MLN: variants seen among roughly 807,000 people sequenced by gnomAD.
MLN encodes motilin, also known as promotilin.
Under a neutral mutation model 13.3 loss-of-function variants are expected in MLN, and 14 were observed. The ratio of observed to expected loss-of-function variants is 1.05; its 90% CI spans 0.69 to 1.64. The LOEUF (loss-of-function observed/expected upper bound fraction) is 1.64, where lower values mean the gene tolerates loss of function less well. Ranked by LOEUF, MLN falls within the 40% of genes most tolerant of loss-of-function variation. MLN has a pLI of 0.00. For missense variants in MLN, 122 were observed against 142.9 expected (o/e 0.85, Z 0.75); for synonymous variants, 59 against 54.7 (o/e 1.08, Z -0.34).
At chr6:33,798,399 G>A (rs1279643365) in intron 3 of MLN, among the ~76,000 whole-genome samples, 1 of 152,232 alleles carries the variant, frequency 6.6e-6, no homozygotes, top group Non-Finnish European at 1.5e-5. Flanking sequence ...AAATAAAAGA[G>A]CTCATGGGAC....
In MLN at chr6:33,794,719, G is replaced by A. The variant is rs1582271078; in HGVS notation, c.*106C>T. The A allele has an allele frequency of 7.6e-7, 1 of 1,319,672 alleles. No homozygotes were observed. Among genetic ancestry groups the A allele is most frequent in the Non-Finnish European group, 1.0e-6 (1 of 953,198 alleles). The allele number at this position is 1,319,672 out of a possible 1,614,324, so 81.7% of individuals were successfully genotyped here. On this transcript the variant is annotated 3_prime_UTR_variant, in exon 5 of 5. Transcript: ENST00000430124. ...GCTGGAGGGGAATTTGCTTTGGAAA[G>A]GGTGTTTTCCTTCCAAGCCCAGCTG...
At position 33,799,615 on chromosome 6, in the gene MLN, G is replaced by A. The variant is rs1488686839; in HGVS notation, c.118-394C>T. ...AAAGGTAGTGAGACAGCCTAGCCTG[G>A]GAGGGTGCCATGGGGTGGCCCGGGA... On this transcript the variant is annotated intron_variant, in intron 2 of 4. Transcript: ENST00000430124. This position sits in a 1 kb window ranked among gnomAD's most constrained non-coding sequence, Gnocchi z 4.6. Among the ~76,000 whole-genome samples the A allele has an allele frequency of 6.6e-6, 1 of 152,176 alleles. No individual in the cohort carries two copies. The highest frequency in any genetic ancestry group is 1.5e-5 in the Non-Finnish European group (1 of 68,040).
intron 2 of MLN, among the ~76,000 whole-genome samples, chr6:33,800,151 A>G (rs766639586): frequency 5.9e-5 from 9 of 152,202 alleles, no homozygotes; most frequent in Non-Finnish European, 1.2e-4. Flanking sequence ...GGGCAGTTGC[A>G]GACAGGCTGT....
intron 3 of MLN, among the ~76,000 whole-genome samples, chr6:33,796,381 A>C (rs751727): frequency 1.3e-5 from 2 of 151,952 alleles, no homozygotes; most frequent in African/African-American, 4.8e-5. Context: ...CTGTGCCCAC[A>C]ACCACCAGGC....
intron 1 of MLN, among the ~76,000 whole-genome samples, chr6:33,801,690 G>A (rs1001791026): frequency 6.6e-6 from 1 of 152,224 alleles, no homozygotes; most frequent in Non-Finnish European, 1.5e-5. Context: ...CTCTGCCATT[G>A]CAAAGGATGA....
chr6:33,794,717 A>G lies in MLN; in HGVS notation c.*108T>C. The G allele has an allele frequency of 7.7e-7, 1 of 1,298,334 alleles. No homozygotes were observed. Among genetic ancestry groups the G allele is most frequent in the Non-Finnish European group, 1.1e-6 (1 of 938,360 alleles). 80.4% of individuals were successfully genotyped at this position (1,298,334 alleles called of 1,614,324 possible). On this transcript the variant is annotated 3_prime_UTR_variant, in exon 5 of 5. Transcript: ENST00000430124. Reference sequence around the variant, plus strand: ...TTGCTGGAGGGGAATTTGCTTTGGAAAGGGTGTTTTCCTTCCAAGCCCAGC... The same window carrying G: ...TTGCTGGAGGGGAATTTGCTTTGGAGAGGGTGTTTTCCTTCCAAGCCCAGC...
rs1172892336 is a variant in MLN, at chr6:33,800,912, G to A, written c.117+135C>T. ...ATATCTGAGTGATGCCAGTGAAGGC[G>A]TGAAGGTGGCCAGAGAGGTGGCTGG... is the stretch of plus-strand genomic sequence containing the variant. On this transcript the variant is annotated intron_variant, in intron 2 of 4. Transcript: ENST00000430124. 8 of 699,554 alleles carry A rather than the reference G, an allele frequency of 1.1e-5. No homozygotes were observed. The East Asian group carries it at 1.5e-4, about 13-fold the overall frequency. 43.3% of individuals were successfully genotyped at this position (699,554 alleles called of 1,614,324 possible). A position where few individuals can be genotyped will look rare whatever the true frequency, so the allele number is the denominator to read the frequency against.
Position 33,803,214 on chromosome 6 carries a change from C to T in MLN, c.-8+739G>A, listed in dbSNP as rs1033569203. Among the ~76,000 whole-genome samples the T allele has an allele frequency of 1.3e-5, 2 of 152,140 alleles. No homozygotes were observed. Among genetic ancestry groups the T allele is most frequent in the African/African-American group, 4.8e-5 (2 of 41,438 alleles). Reference sequence around the variant, plus strand: ...AGCTCTGCATGAAGGGGGTGACCGTCTGCCCTCCCTTGCAGCACCCCTGGC... The same window carrying T: ...AGCTCTGCATGAAGGGGGTGACCGTTTGCCCTCCCTTGCAGCACCCCTGGC... On this transcript the variant is annotated intron_variant, in intron 1 of 4. Coordinates refer to ENST00000430124, the MANE Select transcript of MLN (RefSeq NM_002418.3). This position sits in a 1 kb window ranked among gnomAD's most constrained non-coding sequence, Gnocchi z 4.5.
At chr6:33,797,047 G>T (rs1183647358) in intron 3 of MLN, among the ~76,000 whole-genome samples, 1 of 152,218 alleles carries the variant, frequency 6.6e-6, no homozygotes, top group African/African-American at 2.4e-5. Flanking sequence ...GGGGAAAGGG[G>T]CCCCACCTCG....
At position 33,794,674 on chromosome 6, in the gene MLN, G is replaced by T; in HGVS notation, c.*151C>A. ...AAAATATTAAATAAGAGTCATTTCT[G>T]TATATTTCATGCTTTATTTGCTGGA... On this transcript the variant is annotated 3_prime_UTR_variant, in exon 5 of 5. Coordinates refer to ENST00000430124, the MANE Select transcript of MLN (RefSeq NM_002418.3). 1.2e-6 allele frequency: 1 copy of T among 814,560 alleles called. No individual in the cohort carries two copies. Among genetic ancestry groups the T allele is most frequent in the Non-Finnish European group, 1.9e-6 (1 of 531,814 alleles). The allele number at this position is 814,560 out of a possible 1,614,324, so 50.5% of individuals were successfully genotyped here. A position where few individuals can be genotyped will look rare whatever the true frequency, so the allele number is the denominator to read the frequency against.
At chr6:33,801,578 C>T (rs1304974830) in intron 1 of MLN, among the ~76,000 whole-genome samples, 1 of 152,192 alleles carries the variant, frequency 6.6e-6, no homozygotes, top group Non-Finnish European at 1.5e-5. Context: ...GAGAGACCTC[C>T]CTGCCCCAGT....
rs1245095160 is a variant in MLN, at chr6:33,803,746, C to T, written c.-8+207G>A. 2.0e-5 allele frequency among the ~76,000 whole-genome samples: 3 copies of T among 152,252 alleles called. No individual in the cohort carries two copies. The highest frequency in any genetic ancestry group is 4.4e-5 in the Non-Finnish European group (3 of 68,048). Reference sequence around the variant, plus strand: ...CCTCTGCTTTGCCAGGAGTTGTACCCACCTGCTTGCCTCCAGCGTCTGTGC... The same window carrying T: ...CCTCTGCTTTGCCAGGAGTTGTACCTACCTGCTTGCCTCCAGCGTCTGTGC... On this transcript the variant is annotated intron_variant, in intron 1 of 4. Coordinates refer to ENST00000430124, the MANE Select transcript of MLN (RefSeq NM_002418.3). The surrounding 1 kb of genome is among the most constrained non-coding windows in gnomAD (Gnocchi z 4.5).
intron 3 of MLN, among the ~76,000 whole-genome samples, chr6:33,798,434 A>G (rs1360377348): frequency 6.6e-6 from 1 of 152,208 alleles, no homozygotes; most frequent in Non-Finnish European, 1.5e-5. Context: ...CCCCAGCCCC[A>G]ACAATCGGCC....
intron 2 of MLN, among the ~76,000 whole-genome samples, 176 bp downstream of exon 2, chr6:33,800,871 C>T (rs923653177): frequency 2.0e-5 from 3 of 152,178 alleles, no homozygotes; most frequent in Non-Finnish European, 4.4e-5. Context: ...AGATGTTGCT[C>T]ATACGAGCCA....
chr6:33,797,845 C>T (rs1481969806), intron 3 of MLN, among the ~76,000 whole-genome samples: 1 of 152,170 alleles, frequency 6.6e-6, no homozygotes, highest in African/African-American at 2.4e-5. Context: ...TCCCATCCCT[C>T]CTCTGCTCAA....
chr6:33,799,040 A>G lies in MLN; in HGVS notation c.234+65T>C. Reference sequence around the variant, plus strand: ...ACTGTGGCTTGTGGGCTCTGCCTCCAGGCCAGGCAGGGGAATGCATGCCCT... The same window carrying G: ...ACTGTGGCTTGTGGGCTCTGCCTCCGGGCCAGGCAGGGGAATGCATGCCCT... On this transcript the variant is annotated intron_variant, in intron 3 of 4. Coordinates refer to ENST00000430124, the MANE Select transcript of MLN (RefSeq NM_002418.3). The surrounding 1 kb of genome is among the most constrained non-coding windows in gnomAD (Gnocchi z 4.6). The G allele has an allele frequency of 8.4e-7, 1 of 1,183,698 alleles. No homozygotes were observed. Among genetic ancestry groups the G allele is most frequent in the Non-Finnish European group, 1.2e-6 (1 of 808,250 alleles). The allele number at this position is 1,183,698 out of a possible 1,614,324, so 73.3% of individuals were successfully genotyped here.
Position 33,794,817 on chromosome 6 carries a change from C to T in MLN, c.*8G>A, listed in dbSNP as rs1376054682. The T allele has an allele frequency of 5.6e-6, 9 of 1,613,486 alleles. No homozygotes were observed. The highest frequency in any genetic ancestry group is 4.5e-5 in the East Asian group (2 of 44,856). On this transcript the variant is annotated 3_prime_UTR_variant, in exon 5 of 5. Coordinates refer to ENST00000430124, the MANE Select transcript of MLN (RefSeq NM_002418.3). ...CCAAATCTGTCCACCTTCTCCCCAG[C>T]GTGGCCATCACTTGGCTGCTGGAGA... is the stretch of plus-strand genomic sequence containing the variant.
At chr6:33,796,487 T>TTGTTGTCTGGAGA (rs1767927325) in intron 3 of MLN, among the ~76,000 whole-genome samples, 1 of 152,162 alleles carries the variant, frequency 6.6e-6, no homozygotes, top group African/African-American at 2.4e-5. Flanking sequence ...CCGTCCCCGC[T>TTGTTGTCTGGAGA]CCGCAGAGCT....
chr6:33,794,909 T>C (rs1290641781), intron 4 of MLN, 74 bp from the exon 5 acceptor site: 6 of 1,584,346 alleles, frequency 3.8e-6, no homozygotes, highest in Non-Finnish European at 5.2e-6. Context: ...AAAACTTGCC[T>C]GCAGGTCGGA....
Sources: allele counts gnomAD v4.1 joint callset (sites outside exome capture counted in the v4.1 genomes callset), GRCh38; gene constraint gnomAD v4.1.1; non-coding constraint Gnocchi (gnomAD v3.1); transcripts MANE v1.5; gene names NCBI Gene and HGNC (gene_info 2026-07-23, HGNC 2026-07-21).